Variants in XKR4 observed in about 807,000 individuals in gnomAD.
XKR4 encodes XK-related protein 4.
A neutral mutation model predicts 53.9 loss-of-function variants in XKR4; 12 were observed. The ratio of observed to expected loss-of-function variants is 0.22; its 90% CI spans 0.14 to 0.36. The LOEUF is 0.36. Among genes scored for constraint, XKR4 ranks in the 10% least tolerant of loss-of-function variants. The pLI is 1.00. For missense variants in XKR4, 799 were observed against 859.5 expected (o/e 0.93, Z 0.88); for synonymous variants, 354 against 362.4 (o/e 0.98, Z 0.26).
chr8:55,457,871 G>T (rs1049285051), intron 2 of XKR4, among the ~76,000 whole-genome samples: 8 of 152,048 alleles, frequency 5.3e-5, no homozygotes, highest in Admixed American at 5.2e-4. Context: ...CAAAAAAGAG[G>T]AAAGAAATGG....
intron 1 of XKR4, among the ~76,000 whole-genome samples, chr8:55,106,040 C>T (rs1363852473): frequency 1.6e-4 from 24 of 152,150 alleles, no homozygotes; most frequent in Non-Finnish European, 1.5e-5. Context: ...ACAAATATTG[C>T]AGAAACACCA....
chr8:55,468,629 T>A (rs1805816721), intron 2 of XKR4, among the ~76,000 whole-genome samples: 1 of 152,146 alleles, frequency 6.6e-6, no homozygotes, highest in Admixed American at 6.5e-5. Context: ...AAAAGTTGGT[T>A]CAAATCTCTC....
rs139492326 is a variant in XKR4 at position 55,499,062 on chromosome 8, T to A, written c.1007-24219T>A. ...AACATAAGATGAAATCCTCCTTTTT[T>A]CATTTGGTCTTCTCCTGGTTACTTG... On this transcript the variant is annotated intron_variant, in intron 2 of 2. Transcript: ENST00000327381. Among the ~76,000 whole-genome samples the A allele has an allele frequency of 6.0e-3, 908 of 152,344 alleles. 3 individuals are homozygous for A. Among genetic ancestry groups the A allele is most frequent in the Non-Finnish European group, 0.01 (694 of 68,034 alleles).
intron 2 of XKR4, among the ~76,000 whole-genome samples, chr8:55,500,181 CAAAA>C (rs36233927): frequency 6.7e-4 from 77 of 115,580 alleles, no homozygotes; most frequent in African/African-American, 1.7e-3. Flanking sequence ...CAAATTGGGC[CAAAA>C]AAAAAAAAAA....
intron 1 of XKR4, among the ~76,000 whole-genome samples, chr8:55,172,880 C>T (rs1817181970): frequency 6.6e-6 from 1 of 152,094 alleles, no homozygotes; most frequent in Non-Finnish European, 1.5e-5. Context: ...ACGTATGACC[C>T]CTTGAGTTTC....
At chr8:55,301,165 A>G (rs1217298984) in intron 1 of XKR4, among the ~76,000 whole-genome samples, 13 of 73,276 alleles carry the variant, frequency 1.8e-4, no homozygotes, top group African/African-American at 6.6e-5. Context: ...CCCACAACAG[A>G]CCCCGGAGTG....
At chr8:55,119,872 T>TG (rs1816367858) in intron 1 of XKR4, among the ~76,000 whole-genome samples, 1 of 152,214 alleles carries the variant, frequency 6.6e-6, no homozygotes, top group African/African-American at 2.4e-5. Flanking sequence ...AGAACTCTAC[T>TG]TAATGAATTA....
chr8:55,260,165 A>G (rs1307244360), intron 1 of XKR4, among the ~76,000 whole-genome samples: 2 of 152,194 alleles, frequency 1.3e-5, no homozygotes, highest in Non-Finnish European at 2.9e-5. Context: ...TGCAGAATAT[A>G]TGGACAAATG....
chr8:55,181,152 C>G (rs536828432), intron 1 of XKR4, among the ~76,000 whole-genome samples: 1 of 152,308 alleles, frequency 6.6e-6, no homozygotes, highest in African/African-American at 2.4e-5. Flanking sequence ...GACACCTACT[C>G]TGGTTTCTGA....
At chr8:55,512,274 G>A (rs527281893) in intron 2 of XKR4, among the ~76,000 whole-genome samples, 134 of 152,284 alleles carry the variant, frequency 8.8e-4, no homozygotes, top group Non-Finnish European at 1.6e-3. Flanking sequence ...CTCAGGGATC[G>A]TACACGCACC....
At chr8:55,320,565 G>A (rs1182696871) in intron 1 of XKR4, among the ~76,000 whole-genome samples, 1 of 152,132 alleles carries the variant, frequency 6.6e-6, no homozygotes, top group Non-Finnish European at 1.5e-5. Flanking sequence ...CACAAAAGTA[G>A]AAATGTTTTA....
chr8:55,102,750 G>C lies in XKR4; in HGVS notation c.262G>C (p.Gly88Arg), dbSNP rs770716198. 1 of 1,249,370 alleles carries C rather than the reference G, an allele frequency of 8.0e-7. No individual in the cohort carries two copies. 77.4% of individuals were successfully genotyped at this position (1,249,370 alleles called of 1,614,324 possible). Residue 88 changes from glycine to arginine, a missense_variant, in exon 1 of 3, where the codon GGC becomes CGC. Around this residue, in one of 3 missense-constraint regions of XKR4, gnomAD observed 476 missense variants for 505.4 expected, o/e 0.94. Transcript: ENST00000327381. This position sits in a 1 kb window ranked among gnomAD's most constrained non-coding sequence, Gnocchi z 5.1. ...GGSGGVAGPG[G>R]GGAGSAALCL... is the part of the protein sequence containing the mutation. ...CTCCGGCGGCGTCGCCGGCCCGGGCGGCGGCGGGGCGGGCTCGGCTGCGCT... is the reference window on the plus strand; with the variant it reads ...CTCCGGCGGCGTCGCCGGCCCGGGCCGCGGCGGGGCGGGCTCGGCTGCGCT...
At chr8:55,424,085 A>G (rs1804974362) in intron 2 of XKR4, among the ~76,000 whole-genome samples, 1 of 152,212 alleles carries the variant, frequency 6.6e-6, no homozygotes, top group Non-Finnish European at 1.5e-5. Flanking sequence ...GTAGGAGCAC[A>G]TGCAACTGAC....
intron 1 of XKR4, among the ~76,000 whole-genome samples, chr8:55,298,603 G>A (rs1223363771): frequency 1.3e-5 from 2 of 152,028 alleles, no homozygotes; most frequent in African/African-American, 4.8e-5. Context: ...ATGTGGGATC[G>A]GCCCCCATGA....
Position 55,333,621 on chromosome 8 carries a change from G to A in XKR4, c.807-24057G>A, listed in dbSNP as rs573893646. Among the ~76,000 whole-genome samples, 11 of 152,172 alleles carry A rather than the reference G, an allele frequency of 7.2e-5. No homozygotes were observed. In the South Asian group the frequency reaches 1.9e-3, roughly 26 times the overall value. On this transcript the variant is annotated intron_variant, in intron 1 of 2. Transcript: ENST00000327381. Reference sequence around the variant, plus strand: ...ATCTGTGGGTGTGTAGTCCCCTTGCGATTTTCTTGAGTTATAACAATAGCC... The same window carrying A: ...ATCTGTGGGTGTGTAGTCCCCTTGCAATTTTCTTGAGTTATAACAATAGCC...
chr8:55,423,124 CT>C (rs1244147837), intron 2 of XKR4, among the ~76,000 whole-genome samples: 1 of 150,444 alleles, frequency 6.6e-6, no homozygotes, highest in Non-Finnish European at 1.5e-5. Flanking sequence ...GAGACAAAGT[CT>C]TGCTCTGTTG....
chr8:55,409,309 G>C (rs1804741605), intron 2 of XKR4, among the ~76,000 whole-genome samples: 1 of 152,252 alleles, frequency 6.6e-6, no homozygotes, highest in Non-Finnish European at 1.5e-5. Flanking sequence ...ACCTGAGCGA[G>C]TGAGACCGAG....
At chr8:55,234,434 C>G (rs1818091241) in intron 1 of XKR4, among the ~76,000 whole-genome samples, 1 of 152,072 alleles carries the variant, frequency 6.6e-6, no homozygotes, top group Non-Finnish European at 1.5e-5. Flanking sequence ...TAGATCACCC[C>G]AAATTGAGTA....
At chr8:55,438,609 A>G in intron 2 of XKR4, among the ~76,000 whole-genome samples, 1 of 149,690 alleles carries the variant, frequency 6.7e-6, no homozygotes, top group Non-Finnish European at 1.5e-5. Context: ...AAAAAAAAAG[A>G]GAGAGAGACT....
Sources: allele counts gnomAD v4.1 joint callset (sites outside exome capture counted in the v4.1 genomes callset), GRCh38; gene constraint gnomAD v4.1.1; regional missense constraint gnomAD v4.1.1; non-coding constraint Gnocchi (gnomAD v3.1); transcripts MANE v1.5; gene names NCBI Gene and HGNC (gene_info 2026-07-23, HGNC 2026-07-21).